GNA11: variants seen among roughly 807,000 people sequenced by gnomAD.
GNA11 encodes the protein guanine nucleotide-binding protein subunit alpha-11.
GNA11 carries 8 observed loss-of-function variants against 38.2 expected under a neutral mutation model. The observed-to-expected ratio is 0.21, with a 90% confidence interval of 0.12 to 0.38. The LOEUF (loss-of-function observed/expected upper bound fraction) is 0.38. Among genes scored for constraint, GNA11 ranks in the 10% least tolerant of loss-of-function variants. The pLI is 1.00. For missense variants in GNA11, 268 were observed against 516.3 expected (o/e 0.52, Z 4.66); for synonymous variants, 211 against 221.4 (o/e 0.95, Z 0.42).
At chr19:3,099,816 G>A (rs966531018) in intron 1 of GNA11, among the ~76,000 whole-genome samples, 1 of 152,184 alleles carries the variant, frequency 6.6e-6, no homozygotes, top group African/African-American at 2.4e-5. Flanking sequence ...GTGGGTCTTC[G>A]GGCCACCTGC....
Position 3,121,792 on chromosome 19 carries a change from G to T in GNA11, c.*613G>T, listed in dbSNP as rs1198183896. ...TTTGCCCACTGGACTCCTGAAGAGG[G>T]GGTGGGGGGCTCCCTCGGTCGCCCA... On this transcript the variant is annotated 3_prime_UTR_variant, in exon 7 of 7. Transcript: ENST00000078429. The T allele has an allele frequency of 8.6e-6, 2 of 232,904 alleles. No individual in the cohort carries two copies. Among genetic ancestry groups the T allele is most frequent in the Non-Finnish European group, 1.7e-5 (2 of 117,754 alleles). The allele number at this position is 232,904 out of a possible 1,614,324, so 14.4% of individuals were successfully genotyped here.
chr19:3,098,056 T>A (rs1350665668), intron 1 of GNA11, among the ~76,000 whole-genome samples: 15 of 152,252 alleles, frequency 9.9e-5, no homozygotes, highest in Admixed American at 4.6e-4. Flanking sequence ...AATTATTTTG[T>A]CAGAAGTTTC....
chr19:3,115,155 G>A, intron 4 of GNA11, 83 bp downstream of exon 4: 1 of 1,506,398 alleles, frequency 6.6e-7, no homozygotes, highest in Non-Finnish European at 9.1e-7. Context: ...TGCGCACCCA[G>A]TGCTTTGGGA....
In GNA11 at chr19:3,110,273, G is replaced by A. The variant is rs2145315643; in HGVS notation, c.261G>A (p.Met87Ile). 2 of 1,614,054 alleles carry A rather than the reference G, an allele frequency of 1.2e-6. No individual in the cohort carries two copies. Among genetic ancestry groups the A allele is most frequent in the Non-Finnish European group, 1.7e-6 (2 of 1,179,950 alleles). The change falls in exon 2 of 7, where the codon ATG (methionine) becomes ATA (isoleucine). Residue 87 changes from methionine (M) to isoleucine (I), a missense_variant. Around this residue, in one of 3 missense-constraint regions of GNA11, gnomAD observed 151 missense variants for 254.0 expected, o/e 0.59. Coordinates refer to ENST00000078429, the MANE Select transcript of GNA11 (RefSeq NM_002067.5). The surrounding 1 kb of genome is among the most constrained non-coding windows in gnomAD (Gnocchi z 5.4). ...KLVYQNIFTA[M>I]QAMIRAMETL... ...TCTACCAGAACATCTTCACCGCCATGCAGGCCATGATCCGGGCCATGGAGA... is the reference window on the plus strand; with the variant it reads ...TCTACCAGAACATCTTCACCGCCATACAGGCCATGATCCGGGCCATGGAGA...
intron 1 of GNA11, among the ~76,000 whole-genome samples, chr19:3,100,476 C>A (rs1220759862): frequency 6.6e-6 from 1 of 152,218 alleles, no homozygotes; most frequent in Non-Finnish European, 1.5e-5. Flanking sequence ...TGGCGAGTGA[C>A]CGTCATTGGC....
Position 3,094,476 on chromosome 19 carries a change from G to T in GNA11, c.-176G>T, listed in dbSNP as rs1196234140. 1 of 147,054 alleles carries T rather than the reference G, an allele frequency of 6.8e-6. No homozygotes were observed. Among genetic ancestry groups the T allele is most frequent in the Non-Finnish European group, 1.5e-5 (1 of 66,368 alleles). The allele number at this position is 147,054 out of a possible 1,614,324, so 9.1% of individuals were successfully genotyped here. A position where few individuals can be genotyped will look rare whatever the true frequency, so the allele number is the denominator to read the frequency against. On this transcript the variant is annotated 5_prime_UTR_variant, in exon 1 of 7. Transcript: ENST00000078429. The surrounding 1 kb of genome is among the most constrained non-coding windows in gnomAD (Gnocchi z 6.0). ...CCGCGGCTGGCGCGGCCCGAGCGGG[G>T]ACCCGGCGGCTCGCCAGGCGGCGGC...
intron 1 of GNA11, among the ~76,000 whole-genome samples, chr19:3,107,451 C>A (rs967155026): frequency 6.6e-6 from 1 of 152,182 alleles, no homozygotes; most frequent in South Asian, 2.1e-4. Flanking sequence ...CCTTCTGACC[C>A]GAGTGCAGGG....
chr19:3,118,558 G>C (rs1247445760), intron 4 of GNA11: 3 of 233,960 alleles, frequency 1.3e-5, no homozygotes, highest in Non-Finnish European at 2.5e-5. Context: ...GAGGGGAAAG[G>C]CTTCTGTGCT....
At chr19:3,100,788 C>T (rs1022269467) in intron 1 of GNA11, among the ~76,000 whole-genome samples, 1 of 152,214 alleles carries the variant, frequency 6.6e-6, no homozygotes, top group Non-Finnish European at 1.5e-5. Context: ...GCCTCAGTTT[C>T]CCCATCGGTC....
At chr19:3,095,127 G>A (rs1480919876) in intron 1 of GNA11, among the ~76,000 whole-genome samples, 1 of 152,070 alleles carries the variant, frequency 6.6e-6, no homozygotes, top group African/African-American at 2.4e-5. Flanking sequence ...GTCAGCTGCG[G>A]GCCCCTGATT....
rs1913684662 is a variant in GNA11 at position 3,108,310 on chromosome 19, G to C, written c.137-1839G>C. Among the ~76,000 whole-genome samples the C allele has an allele frequency of 6.6e-6, 1 of 152,212 alleles. No homozygotes were observed. Among genetic ancestry groups the C allele is most frequent in the African/African-American group, 2.4e-5 (1 of 41,452 alleles). On this transcript the variant is annotated intron_variant, in intron 1 of 6. Transcript: ENST00000078429. This position sits in a 1 kb window ranked among gnomAD's most constrained non-coding sequence, Gnocchi z 4.5. ...GATATCTACCATGGGCAGCAAGGAA[G>C]GTTCCAGAAAGTACCGGAGGGAGAG...
At chr19:3,105,281 C>G (rs1913613115) in intron 1 of GNA11, among the ~76,000 whole-genome samples, 1 of 152,090 alleles carries the variant, frequency 6.6e-6, no homozygotes, top group Non-Finnish European at 1.5e-5. Context: ...GTCACCGTCT[C>G]AGTCAGCTCG....
intron 3 of GNA11, 85 bp from the exon 4 acceptor site, chr19:3,114,859 G>C (rs1025074690): frequency 7.3e-7 from 1 of 1,370,046 alleles, no homozygotes; most frequent in Admixed American, 1.9e-5. Flanking sequence ...GTGGCTTTCC[G>C]TCCTCCCGCT....
At position 3,119,248 on chromosome 19, in the gene GNA11, A is replaced by G. The variant is rs761542744; in HGVS notation, c.778A>G (p.Thr260Ala). The G allele has an allele frequency of 6.2e-7, 1 of 1,613,792 alleles. No homozygotes were observed. The highest frequency in any genetic ancestry group is 8.5e-7 in the Non-Finnish European group (1 of 1,179,886). Residue 260 changes from threonine to alanine, a missense_variant, in exon 6 of 7, where the codon ACC becomes GCC. By Grantham distance (58) the Thr-to-Ala change is moderately conservative. Coordinates refer to ENST00000078429, the MANE Select transcript of GNA11 (RefSeq NM_002067.5). The surrounding 1 kb of genome is among the most constrained non-coding windows in gnomAD (Gnocchi z 4.6). ...CAAAGCCCTGTTCCGGACCATCATC[A>G]CCTACCCCTGGTTCCAGAACTCCTC... ...ESKALFRTIITYPWFQNSSVI... is the reference protein window; with the variant it reads ...ESKALFRTIIAYPWFQNSSVI...
At chr19:3,112,203 GTGGGATTTT>G (rs1913791322) in intron 2 of GNA11, among the ~76,000 whole-genome samples, 1 of 152,252 alleles carries the variant, frequency 6.6e-6, no homozygotes, top group Non-Finnish European at 1.5e-5. Flanking sequence ...TTTCCAGGGA[GTGGGATTTT>G]TGGGGTTTGT....
intron 2 of GNA11, among the ~76,000 whole-genome samples, chr19:3,113,040 C>T (rs954437291): frequency 1.3e-5 from 2 of 152,168 alleles, no homozygotes; most frequent in Non-Finnish European, 2.9e-5. Context: ...TTCCCCACAC[C>T]GTCCCCTCCC....
In GNA11 at chr19:3,110,192, C is replaced by A. The variant is rs1913736935; in HGVS notation, c.180C>A (p.Arg60=). The A allele has an allele frequency of 1.9e-6, 3 of 1,613,422 alleles. No individual in the cohort carries two copies. Among genetic ancestry groups the A allele is most frequent in the Non-Finnish European group, 2.5e-6 (3 of 1,179,754 alleles). The part of the protein sequence containing the change: ...SGKSTFIKQM[R]IIHGAGYSEE... ...AGAGCACGTTCATCAAGCAGATGCGCATCATCCACGGCGCCGGCTACTCGG... is the reference window on the plus strand; with the variant it reads ...AGAGCACGTTCATCAAGCAGATGCGAATCATCCACGGCGCCGGCTACTCGG... The change falls in exon 2 of 7, where the codon CGC becomes CGA. Residue 60 remains arginine, a synonymous_variant. Coordinates refer to ENST00000078429, the MANE Select transcript of GNA11 (RefSeq NM_002067.5). This position sits in a 1 kb window ranked among gnomAD's most constrained non-coding sequence, Gnocchi z 5.4.
Position 3,110,174 on chromosome 19 carries a change from G to A in GNA11, c.162G>A (p.Thr54=), listed in dbSNP as rs149108190. 84 of 1,612,172 alleles carry A rather than the reference G, an allele frequency of 5.2e-5. No homozygotes were observed. Among genetic ancestry groups the A allele is most frequent in the East Asian group, 2.9e-4 (13 of 44,810 alleles). ...LLGTGESGKS[T]FIKQMRIIHG... ...GCACGGGCGAGAGCGGGAAGAGCAC[G>A]TTCATCAAGCAGATGCGCATCATCC... The change falls in exon 2 of 7, where the codon ACG becomes ACA. Residue 54 remains threonine (T), a synonymous_variant. Transcript: ENST00000078429. This position sits in a 1 kb window ranked among gnomAD's most constrained non-coding sequence, Gnocchi z 5.4.
chr19:3,095,217 G>A (rs1913334702), intron 1 of GNA11, among the ~76,000 whole-genome samples: 1 of 152,162 alleles, frequency 6.6e-6, no homozygotes, highest in African/African-American at 2.4e-5. Flanking sequence ...TGTCCTGTCT[G>A]GATCAGGCCC....
Sources: allele counts gnomAD v4.1 joint callset (sites outside exome capture counted in the v4.1 genomes callset), GRCh38; gene constraint gnomAD v4.1.1; regional missense constraint gnomAD v4.1.1; non-coding constraint Gnocchi (gnomAD v3.1); transcripts MANE v1.5; gene names NCBI Gene and HGNC (gene_info 2026-07-23, HGNC 2026-07-21).